IRAG1: variants seen among roughly 807,000 people sequenced by gnomAD.
The protein encoded by IRAG1 is IP3R-associated cGMP kinase substrate.
Under a neutral mutation model 106.2 loss-of-function variants are expected in IRAG1, and 62 were observed. The observed-to-expected ratio is 0.58, with a 90% confidence interval of 0.48 to 0.72. IRAG1 has a LOEUF of 0.72. Among genes scored for constraint, IRAG1 ranks in the 30% least tolerant of loss-of-function variants. IRAG1 has a pLI of 0.00. For synonymous variants in IRAG1, 462 were observed against 443.9 expected (o/e 1.04, Z -0.51); for missense variants, 1,064 against 1,140.7 (o/e 0.93, Z 0.97).
chr11:10,611,606 C>T (rs1854967527), intron 10 of IRAG1: 1 of 152,046 alleles, frequency 6.6e-6, no homozygotes, highest in African/African-American at 2.4e-5. Context: ...ATAAAAAATA[C>T]ACAAGAAACT....
chr11:10,648,668 G>A (rs1423130079), intron 2 of IRAG1, among the ~76,000 whole-genome samples: 1 of 152,184 alleles, frequency 6.6e-6, no homozygotes, highest in Non-Finnish European at 1.5e-5. Flanking sequence ...CTGTTCAAGG[G>A]CCAATGCAGA....
chr11:10,630,438 C>G (rs932513178), intron 4 of IRAG1, among the ~76,000 whole-genome samples: 9 of 151,294 alleles, frequency 5.9e-5, no homozygotes, highest in African/African-American at 2.2e-4. Context: ...GTGGCACAAT[C>G]TCGGCTCACT....
At chr11:10,587,109 C>G (rs1349042353) in intron 18 of IRAG1, among the ~76,000 whole-genome samples, 4 of 152,168 alleles carry the variant, frequency 2.6e-5, no homozygotes, top group Non-Finnish European at 5.9e-5. Flanking sequence ...TGCCTGAAAT[C>G]CTATGTGCTT....
rs139055986 is a variant in IRAG1, at chr11:10,633,712, G to T, written c.329+256C>A. 1.2e-3 allele frequency among the ~76,000 whole-genome samples: 182 copies of T among 152,304 alleles called. 1 individual carries two copies. The highest frequency in any genetic ancestry group is 2.0e-3 in the Non-Finnish European group (136 of 68,030). On this transcript the variant is annotated intron_variant, in intron 3 of 20. Coordinates refer to ENST00000423302, the MANE Select transcript of IRAG1 (RefSeq NM_130385.4). ...TGTTTTAACCTCCACTAGCCCTGCTGGGGGAGGAGGCTGCAAATGGGCTGG... is the reference window on the plus strand; with the variant it reads ...TGTTTTAACCTCCACTAGCCCTGCTTGGGGAGGAGGCTGCAAATGGGCTGG...
At chr11:10,641,680 C>T (rs1857522163) in intron 2 of IRAG1, among the ~76,000 whole-genome samples, 1 of 152,148 alleles carries the variant, frequency 6.6e-6, no homozygotes, top group Admixed American at 6.5e-5. Context: ...CTGAGGACAC[C>T]ACCTACAAAT....
intron 14 of IRAG1, among the ~76,000 whole-genome samples, chr11:10,601,773 G>C (rs1021168386): frequency 6.6e-6 from 1 of 152,238 alleles, no homozygotes; most frequent in South Asian, 2.1e-4. Context: ...GGACTCAAGG[G>C]AGTGAGACTG....
At chr11:10,602,496 C>T (rs983784741) in intron 14 of IRAG1, among the ~76,000 whole-genome samples, 1 of 152,174 alleles carries the variant, frequency 6.6e-6, no homozygotes, top group Non-Finnish European at 1.5e-5. Flanking sequence ...CCTGCTACAA[C>T]ATGGGGGGCC....
chr11:10,581,125 A>C (rs2134088287), intron 19 of IRAG1, among the ~76,000 whole-genome samples: 1 of 152,090 alleles, frequency 6.6e-6, no homozygotes, highest in South Asian at 2.1e-4. Context: ...TCAAAGAGAA[A>C]CCCTTGTGGT....
intron 1 of IRAG1, among the ~76,000 whole-genome samples, chr11:10,676,954 G>A (rs1860730685): frequency 1.3e-5 from 2 of 152,134 alleles, no homozygotes; most frequent in Non-Finnish European, 2.9e-5. Flanking sequence ...TCAGTCTCTC[G>A]TTCTTCAGTC....
At chr11:10,620,607 T>C (rs1402656572) in intron 10 of IRAG1, among the ~76,000 whole-genome samples, 1 of 152,180 alleles carries the variant, frequency 6.6e-6, no homozygotes, top group Non-Finnish European at 1.5e-5. Flanking sequence ...ACACTAATAA[T>C]AATAAACTTA....
At chr11:10,661,093 G>GC (rs1441628517) in intron 1 of IRAG1, among the ~76,000 whole-genome samples, 1 of 151,936 alleles carries the variant, frequency 6.6e-6, no homozygotes, top group Non-Finnish European at 1.5e-5. Context: ...TTTACCATGG[G>GC]GGGGCCAGTT....
intron 15 of IRAG1, among the ~76,000 whole-genome samples, chr11:10,598,301 T>A (rs1853558973): frequency 6.6e-6 from 1 of 152,250 alleles, no homozygotes; most frequent in African/African-American, 2.4e-5. Flanking sequence ...GTATTTCAAT[T>A]TATTTTCTTG....
intron 1 of IRAG1, among the ~76,000 whole-genome samples, chr11:10,686,123 C>A (rs1200728515): frequency 2.0e-5 from 3 of 152,130 alleles, no homozygotes; most frequent in Non-Finnish European, 2.9e-5. Flanking sequence ...ATAGAGGACT[C>A]CCATGTGCTC....
At chr11:10,578,606 G>T (rs1288195966) in intron 20 of IRAG1, among the ~76,000 whole-genome samples, 5 of 152,230 alleles carry the variant, frequency 3.3e-5, no homozygotes, top group Admixed American at 6.5e-5. Context: ...TTGCTTGTTA[G>T]TGAGGCACCA....
chr11:10,671,734 AC>A (rs1338032059), intron 1 of IRAG1, among the ~76,000 whole-genome samples: 1 of 56,300 alleles, frequency 1.8e-5, no homozygotes, highest in Non-Finnish European at 4.2e-5. Flanking sequence ...AACAAACACA[AC>A]AACAACAACA....
In IRAG1 at chr11:10,626,228, G is replaced by T; in HGVS notation, c.1106C>A (p.Pro369Gln). Residue 369 changes from proline to glutamine, a missense_variant, in exon 9 of 21, where the codon CCG becomes CAG. Pro to Gln is a moderately conservative substitution (Grantham distance 76, BLOSUM62 -1). Transcript: ENST00000423302. ...TTTGGAGCCAGCCTCGGGCCCCATC[G>T]GCTCTCCAGCTGGGCCTCTCCCCTG... ...ASQGRGPAGE[P>Q]MGPEAGSKAE... 1 of 1,598,488 alleles carries T rather than the reference G, an allele frequency of 6.3e-7. No individual in the cohort carries two copies. The highest frequency in any genetic ancestry group is 8.5e-7 in the Non-Finnish European group (1 of 1,170,634).
chr11:10,636,482 T>A (rs1343362125), intron 2 of IRAG1, among the ~76,000 whole-genome samples: 2 of 152,230 alleles, frequency 1.3e-5, no homozygotes, highest in African/African-American at 2.4e-5. Context: ...AGGCCATGAT[T>A]GATATTCTAA....
chr11:10,655,724 T>G (rs573432167), intron 1 of IRAG1, among the ~76,000 whole-genome samples: 1 of 152,334 alleles, frequency 6.6e-6, no homozygotes, highest in South Asian at 2.1e-4. Context: ...GATTATGGTC[T>G]GAAGTCTCAT....
chr11:10,643,417 T>C (rs554014028), intron 2 of IRAG1, among the ~76,000 whole-genome samples: 29 of 152,154 alleles, frequency 1.9e-4, no homozygotes, highest in Non-Finnish European at 4.0e-4. Flanking sequence ...TGGATCCTCT[T>C]TCCTGCCATT....
Sources: allele counts gnomAD v4.1 joint callset (sites outside exome capture counted in the v4.1 genomes callset), GRCh38; gene constraint gnomAD v4.1.1; transcripts MANE v1.5; gene names NCBI Gene and HGNC (gene_info 2026-07-23, HGNC 2026-07-21).